The following TCEANC variants were observed in gnomAD, a reference collection of about 807,000 sequenced individuals.
TCEANC encodes the protein transcription elongation factor A N-terminal and central domain containing, also known as transcription elongation factor A N-terminal and central domain-containing protein.
TCEANC carries 8 observed loss-of-function variants against 8.7 expected under a neutral mutation model. That is an observed-to-expected ratio of 0.92 (90% CI 0.54 to 1.65). TCEANC has a LOEUF of 1.65. Ranked by LOEUF, TCEANC falls within the 40% of genes most tolerant of loss-of-function variation. The pLI, the probability that TCEANC is intolerant of heterozygous loss-of-function variation, is 0.00. For synonymous variants in TCEANC, 78 were observed against 92.9 expected (o/e 0.84, Z 0.92); for missense variants, 255 against 251.9 (o/e 1.01, Z -0.08).
chrX:13,662,770 A>G, exon 2 of TCEANC: 1 of 1,211,479 alleles, frequency 8.3e-7, no homozygotes, highest in Non-Finnish European at 1.1e-6. Flanking sequence ...CAAAGCGAGG[A>G]ACAGCCCTAA....
At chrX:13,664,722 G>A (rs1366781006) in exon 2 of TCEANC, 4 of 122,901 alleles carry the variant, frequency 3.3e-5, no homozygotes, top group South Asian at 3.7e-4. Context: ...AGTAACAGAC[G>A]TTTATCTAAT....
At chrX:13,657,422 G>GA (rs199601167) in intron 1 of TCEANC, among the ~76,000 whole-genome samples, 3,131 of 111,382 alleles carry the variant, frequency 0.028, 59 homozygotes, top group African/African-American at 0.068. Flanking sequence ...AAAGCTAAGT[G>GA]AAAAAAAATC....
intron 1 of TCEANC, among the ~76,000 whole-genome samples, chrX:13,660,318 G>T: frequency 9.0e-6 from 1 of 111,673 alleles, no homozygotes; most frequent in East Asian, 2.8e-4. Context: ...CACCTAAAGT[G>T]TACAATTCAG....
chrX:13,663,317 G>A, exon 2 of TCEANC: 1 of 1,197,548 alleles, frequency 8.4e-7, no homozygotes. Flanking sequence ...AAGCAGTTGA[G>A]AGCCTCCTAC....
chrX:13,656,308 C>G (rs1442588756), intron 1 of TCEANC, among the ~76,000 whole-genome samples: 2 of 112,452 alleles, frequency 1.8e-5, no homozygotes, highest in Non-Finnish European at 3.8e-5. Context: ...AGCACATACT[C>G]AATCCCTAAT....
chrX:13,663,335 C>T (rs1280116904), exon 2 of TCEANC: 3 of 1,194,685 alleles, frequency 2.5e-6, no homozygotes, highest in Non-Finnish European at 2.3e-6. Context: ...TACACGGAAT[C>T]TTGTATCCAG....
chrX:13,653,303 A>G (rs1195482876), upstream of TCEANC: 1 of 112,778 alleles, frequency 8.9e-6, no homozygotes, highest in African/African-American at 3.2e-5. Flanking sequence ...TGGGCGGCGT[A>G]GATCCGAAGG....
At chrX:13,656,012 A>G (rs187830079) in intron 1 of TCEANC, among the ~76,000 whole-genome samples, 88 of 112,724 alleles carry the variant, frequency 7.8e-4, no homozygotes, top group Non-Finnish European at 1.6e-3. Flanking sequence ...TCTTTCTGAG[A>G]TCTGTACTAG....
exon 2 of TCEANC, chrX:13,662,623 A>T (rs368878924): frequency 2.1e-5 from 25 of 1,211,726 alleles, no homozygotes; most frequent in Non-Finnish European, 2.7e-5. Context: ...AATTTATGTG[A>T]CTAAGGAGCA....
At chrX:13,661,651 A>G (rs1429582114) in intron 1 of TCEANC, among the ~76,000 whole-genome samples, 1 of 112,622 alleles carries the variant, frequency 8.9e-6, no homozygotes, top group Admixed American at 9.4e-5. Flanking sequence ...TTATATAGAC[A>G]AGATTATGTA....
chrX:13,656,890 T>C (rs1006322093), intron 1 of TCEANC, among the ~76,000 whole-genome samples: 1 of 112,486 alleles, frequency 8.9e-6, no homozygotes, highest in Non-Finnish European at 1.9e-5. Flanking sequence ...ATGAAGTACC[T>C]AGAGTAGTCT....
At position 13,659,649 on chromosome X, in the gene TCEANC, CAG is replaced by C. The variant is rs2045950887; in HGVS notation, c.-8-2849_-8-2848del. 1.2e-5 allele frequency: 1 copy of C among 81,468 alleles called. No homozygotes were observed. The allele number at this position is 81,468 out of a possible 1,213,427, so 6.7% of individuals were successfully genotyped here. ...AGCCCTTTTTTTTTTTTTTTTTTGA[CAG>C]AGTCTCGCTCTGTCGCCAGGTTGGA... On this transcript the variant is annotated intron_variant, in intron 1 of 1. Coordinates refer to ENST00000380600, the Ensembl canonical transcript of TCEANC.
intron 1 of TCEANC, among the ~76,000 whole-genome samples, chrX:13,658,287 T>C (rs1223429029): frequency 8.9e-6 from 1 of 112,008 alleles, no homozygotes; most frequent in African/African-American, 3.2e-5. Flanking sequence ...TAAAAGCCAC[T>C]GAATTATACA....
chrX:13,663,599 G>A (rs948312292), exon 2 of TCEANC: 5 of 1,043,591 alleles, frequency 4.8e-6, no homozygotes, highest in Non-Finnish European at 5.0e-6. Context: ...GATAACCGGA[G>A]TGATACCTTT....
chrX:13,663,437 T>C (rs2045987411), exon 2 of TCEANC: 1 of 1,181,344 alleles, frequency 8.5e-7, no homozygotes, highest in African/African-American at 1.8e-5. Flanking sequence ...GTCACTGTAA[T>C]TGACAGAGGA....
At chrX:13,665,330 T>C (rs1316161218) in exon 2 of TCEANC, 1 of 123,832 alleles carries the variant, frequency 8.1e-6, no homozygotes, top group Non-Finnish European at 1.9e-5. Context: ...TGGGGGTTTG[T>C]GTGTATGTGT....
At chrX:13,661,551 G>A (rs999664865) in intron 1 of TCEANC, among the ~76,000 whole-genome samples, 5 of 112,031 alleles carry the variant, frequency 4.5e-5, no homozygotes, top group African/African-American at 1.6e-4. Context: ...ATAAAACAGA[G>A]CCCATGGATT....
intron 1 of TCEANC, among the ~76,000 whole-genome samples, 172 bp downstream of exon 3, chrX:13,659,940 T>C (rs915300687): frequency 8.9e-6 from 1 of 111,812 alleles, no homozygotes; most frequent in Non-Finnish European, 1.9e-5. Context: ...TAAGCCTTTT[T>C]AAGTATACAG....
chrX:13,654,778 A>C (rs867848008), upstream of TCEANC, among the ~76,000 whole-genome samples: 5 of 111,413 alleles, frequency 4.5e-5, no homozygotes, highest in African/African-American at 1.6e-4. Context: ...TTCCTTATGC[A>C]AATGTTTTGA....
Sources: gnomAD v4.1 joint callset for allele counts (sites outside exome capture counted in the v4.1 genomes callset) on GRCh38, gnomAD v4.1.1 for gene constraint, MANE v1.5 for transcripts, NCBI Gene and HGNC (gene_info 2026-07-23, HGNC 2026-07-21) for gene names.